The following G3BP2 variants were observed in gnomAD, a reference collection of about 807,000 sequenced individuals.
G3BP2 encodes the protein ras GTPase-activating protein-binding protein 2.
In G3BP2, 11 loss-of-function variants were observed where a neutral mutation model predicts 56.7. The observed-to-expected ratio is 0.19, with a 90% CI of 0.12 to 0.32. The LOEUF (loss-of-function observed/expected upper bound fraction) is 0.32. Ranked by LOEUF, G3BP2 falls within the 10% of genes least tolerant of loss-of-function variation. The pLI, the probability that G3BP2 is intolerant of heterozygous loss-of-function variation, is 1.00. For missense variants in G3BP2, 340 were observed against 610.9 expected, an observed-to-expected ratio of 0.56 and a Z score of 4.67; for synonymous variants, 165 against 191.6, an observed-to-expected ratio of 0.86 and a Z score of 1.15.
upstream of G3BP2, chr4:75,673,667 C>T: frequency 4.9e-6 from 6 of 1,219,290 alleles, no homozygotes; most frequent in Non-Finnish European, 6.1e-6. Flanking sequence ...CTGCCTTTCT[C>T]CGGTCCCGAG....
At chr4:75,648,022 G>GT (rs1731359828) in intron 9 of G3BP2, among the ~76,000 whole-genome samples, 2 of 152,216 alleles carry the variant, frequency 1.3e-5, no homozygotes, top group Admixed American at 1.3e-4. Context: ...TGCTAAGAGA[G>GT]TAGGTTATTG....
At chr4:75,682,332 C>T (rs1734111717) in intron 3 of G3BP2, among the ~76,000 whole-genome samples, 1 of 151,646 alleles carries the variant, frequency 6.6e-6, no homozygotes, top group Non-Finnish European at 1.5e-5. Flanking sequence ...AGGAAAATCC[C>T]TTGAACCAGG....
At chr4:75,716,048 C>G (rs929096534) in intron 3 of G3BP2, among the ~76,000 whole-genome samples, 1 of 152,164 alleles carries the variant, frequency 6.6e-6, no homozygotes, top group Non-Finnish European at 1.5e-5. Context: ...GAGAGCACAT[C>G]TAGGACTAGG....
rs1578369261 is a variant in G3BP2 at position 75,643,211 on chromosome 4, T to C, written c.*2219A>G. ...GCTGAATGGCTCTTTGCTCTACTTTTCTATTATTACACTTAACATTTGTCA... is the reference window on the plus strand; with the variant it reads ...GCTGAATGGCTCTTTGCTCTACTTTCCTATTATTACACTTAACATTTGTCA... On this transcript the variant is annotated 3_prime_UTR_variant, in exon 12 of 12. Coordinates refer to ENST00000359707, the MANE Select transcript of G3BP2 (RefSeq NM_203505.3). 1 of 151,264 alleles carries C rather than the reference T, an allele frequency of 6.6e-6. No homozygotes were observed. Among genetic ancestry groups the C allele is most frequent in the South Asian group, 2.1e-4 (1 of 4,808 alleles). 9.4% of individuals were successfully genotyped at this position (151,264 alleles called of 1,614,324 possible). A position where few individuals can be genotyped will look rare whatever the true frequency, so the allele number is the denominator to read the frequency against.
intron 1 of G3BP2, chr4:75,672,451 C>G (rs1733561092): frequency 6.6e-6 from 1 of 152,210 alleles, no homozygotes; most frequent in South Asian, 2.1e-4. Flanking sequence ...AAAGCCATTC[C>G]CGAGTCAATA....
At chr4:75,709,706 G>C (rs1463148393) in intron 3 of G3BP2, among the ~76,000 whole-genome samples, 1 of 152,124 alleles carries the variant, frequency 6.6e-6, no homozygotes, top group South Asian at 2.1e-4. Context: ...GCGGGTTTCA[G>C]AGATGGGGTT....
chr4:75,673,340 C>A lies in G3BP2; in HGVS notation c.-157G>T. ...GGAAGCCTCGGAAGCCGGAGAGCCGCGAGTTCGTCTGCCTCACAACCACCT... is the reference window on the plus strand; with the variant it reads ...GGAAGCCTCGGAAGCCGGAGAGCCGAGAGTTCGTCTGCCTCACAACCACCT... On this transcript the variant is annotated 5_prime_UTR_variant, in exon 1 of 12. Transcript: ENST00000359707. 8.1e-7 allele frequency: 1 copy of A among 1,231,052 alleles called. No homozygotes were observed. The highest frequency in any genetic ancestry group is 1.0e-6 in the Non-Finnish European group (1 of 987,350). The allele number at this position is 1,231,052 out of a possible 1,614,324, so 76.3% of individuals were successfully genotyped here. A position where few individuals can be genotyped will look rare whatever the true frequency, so the allele number is the denominator to read the frequency against.
At chr4:75,695,889 G>C (rs765505264) in intron 3 of G3BP2, among the ~76,000 whole-genome samples, 4 of 149,874 alleles carry the variant, frequency 2.7e-5, no homozygotes, top group Admixed American at 6.8e-5. Flanking sequence ...CAGGAGAATC[G>C]CTTGAACCTG....
chr4:75,673,208 C>T lies in G3BP2; in HGVS notation c.-25G>A, dbSNP rs1733648859. ...CTCCCCTCCCGGCGCCCGTACACAC[C>T]TCCAGCCAACGGCGGCGGCGGGTAC... On this transcript the variant is annotated splice_region_variant and 5_prime_UTR_variant, in exon 1 of 12. Transcript: ENST00000359707. 1.7e-6 allele frequency: 2 copies of T among 1,207,862 alleles called. No individual in the cohort carries two copies. The highest frequency in any genetic ancestry group is 2.1e-6 in the Non-Finnish European group (2 of 972,918). The allele number at this position is 1,207,862 out of a possible 1,614,324, so 74.8% of individuals were successfully genotyped here. A position where few individuals can be genotyped will look rare whatever the true frequency, so the allele number is the denominator to read the frequency against.
Position 75,646,906 on chromosome 4 carries a change from T to G in G3BP2, c.1057+123A>C, listed in dbSNP as rs1386649559. On this transcript the variant is annotated intron_variant, in intron 10 of 11. Coordinates refer to ENST00000359707, the MANE Select transcript of G3BP2 (RefSeq NM_203505.3). ...CCCTTCTGCACAATTAAGGTGGGTCTGGTAGCTGGACACAGTATAAAGAGA... is the reference window on the plus strand; with the variant it reads ...CCCTTCTGCACAATTAAGGTGGGTCGGGTAGCTGGACACAGTATAAAGAGA... The G allele has an allele frequency of 1.8e-5, 11 of 599,444 alleles. No individual in the cohort carries two copies. In the South Asian group the frequency reaches 2.5e-4, roughly 14 times the overall value. 37.1% of individuals were successfully genotyped at this position (599,444 alleles called of 1,614,324 possible).
At chr4:75,713,821 A>C (rs1577902715) in intron 3 of G3BP2, among the ~76,000 whole-genome samples, 1 of 152,206 alleles carries the variant, frequency 6.6e-6, no homozygotes. Flanking sequence ...AAGTGGTAAC[A>C]CTAATAATGG....
chr4:75,712,766 T>C (rs1213401739), intron 3 of G3BP2, among the ~76,000 whole-genome samples: 2 of 152,004 alleles, frequency 1.3e-5, no homozygotes, highest in African/African-American at 4.8e-5. Flanking sequence ...GAATCAGGCT[T>C]TTTACTTAAT....
At chr4:75,661,696 T>G (rs1732575465) in intron 2 of G3BP2, 1 of 406,142 alleles carries the variant, frequency 2.5e-6, no homozygotes. Context: ...AATAAGCGTG[T>G]GCATATATAG....
chr4:75,694,675 T>C lies in G3BP2; in HGVS notation c.-25+26202A>G, dbSNP rs1414139860. 5 of 646,042 alleles carry C rather than the reference T, an allele frequency of 7.7e-6. No individual in the cohort carries two copies. The African/African-American group carries it at 9.9e-5, about 13-fold the overall frequency. 40.0% of individuals were successfully genotyped at this position (646,042 alleles called of 1,614,324 possible). ...ATCGCTTGAATCCGCGAGGCGGCGG[T>C]TGCAGTGAGCCAAGATGGCGCCATT... On this transcript the variant is annotated intron_variant, in intron 3 of 3. Coordinates refer to the G3BP2 transcript ENST00000499709.
intron 3 of G3BP2, among the ~76,000 whole-genome samples, chr4:75,720,034 T>TTTTTTTTTTTTTG (rs1577909354): frequency 2.7e-5 from 4 of 146,260 alleles, no homozygotes; most frequent in African/African-American, 5.1e-5. Context: ...TTTTTTTTTT[T>TTTTTTTTTTTTTG]GAGAAAGGGT....
At chr4:75,669,768 T>C (rs917251427) in intron 1 of G3BP2, among the ~76,000 whole-genome samples, 2 of 152,244 alleles carry the variant, frequency 1.3e-5, no homozygotes, top group Non-Finnish European at 2.9e-5. Flanking sequence ...ACATTTATTT[T>C]ATGGCTACTA....
At chr4:75,714,401 C>T (rs1358600274) in intron 3 of G3BP2, among the ~76,000 whole-genome samples, 10 of 152,160 alleles carry the variant, frequency 6.6e-5, no homozygotes, top group Non-Finnish European at 1.0e-4. Flanking sequence ...CCGGGGCGGG[C>T]AGATCACGTG....
Position 75,685,170 on chromosome 4 carries a change from A to G in G3BP2, c.-24-23121T>C, listed in dbSNP as rs1011558540. Among the ~76,000 whole-genome samples, 9 of 150,476 alleles carry G rather than the reference A, an allele frequency of 6.0e-5. No individual in the cohort carries two copies. The South Asian group carries it at 1.9e-3, about 32-fold the overall frequency. On this transcript the variant is annotated intron_variant, in intron 3 of 3. Transcript: ENST00000499709. ...TACATATTTTATTTTGAAAATAAAC[A>G]CTTTTTTAAAAGTTTATTAAAAAAA... is the stretch of plus-strand genomic sequence containing the variant.
chr4:75,696,123 G>T (rs886332347), intron 3 of G3BP2, among the ~76,000 whole-genome samples: 1 of 151,972 alleles, frequency 6.6e-6, no homozygotes, highest in African/African-American at 2.4e-5. Flanking sequence ...ATAAGACAAA[G>T]ACCAAAATAG....
Sources: gnomAD v4.1 joint callset for allele counts (sites outside exome capture counted in the v4.1 genomes callset) on GRCh38, gnomAD v4.1.1 for gene constraint, MANE v1.5 for transcripts, NCBI Gene and HGNC (gene_info 2026-07-23, HGNC 2026-07-21) for gene names.